Variants in PDZRN4 observed in about 807,000 individuals in gnomAD.
The protein encoded by PDZRN4 is PDZ domain-containing RING finger protein 4.
PDZRN4 carries 70 observed loss-of-function variants against 99.0 expected under a neutral mutation model. That is an observed-to-expected ratio of 0.71 (90% CI 0.58 to 0.86). The LOEUF is 0.86. Among genes scored for constraint, PDZRN4 ranks in the 40% least tolerant of loss-of-function variants. PDZRN4 has a pLI of 0.00. For synonymous variants in PDZRN4, 551 were observed against 501.6 expected, an observed-to-expected ratio of 1.10 and a Z score of -1.32; for missense variants, 1,474 against 1,331.2, an observed-to-expected ratio of 1.11 and a Z score of -1.67.
chr12:41,280,954 T>C (rs964435535), intron 3 of PDZRN4, among the ~76,000 whole-genome samples: 2 of 152,092 alleles, frequency 1.3e-5, no homozygotes, highest in African/African-American at 4.8e-5. Flanking sequence ...AGACACCTCA[T>C]ACAGGAGAGC....
intron 3 of PDZRN4, among the ~76,000 whole-genome samples, chr12:41,298,827 G>T (rs1234675109): frequency 6.6e-6 from 1 of 151,844 alleles, no homozygotes; most frequent in East Asian, 1.9e-4. Flanking sequence ...ATAAGATTTG[G>T]GGAGAATATT....
intron 5 of PDZRN4, among the ~76,000 whole-genome samples, chr12:41,544,282 T>C (rs775105078): frequency 2.6e-5 from 4 of 152,260 alleles, no homozygotes; most frequent in Non-Finnish European, 4.4e-5. Context: ...ATTACTTTTC[T>C]TGTTGGCAGA....
chr12:41,393,235 T>C (rs901458064), intron 3 of PDZRN4, among the ~76,000 whole-genome samples: 18 of 152,216 alleles, frequency 1.2e-4, no homozygotes, highest in Non-Finnish European at 2.2e-4. Flanking sequence ...CAAGCATTTG[T>C]TATATAACAA....
chr12:41,301,460 A>G (rs1419636010), intron 3 of PDZRN4, among the ~76,000 whole-genome samples: 2 of 152,078 alleles, frequency 1.3e-5, no homozygotes, highest in African/African-American at 4.8e-5. Context: ...TGATCTTTAC[A>G]TAAGATATAA....
At chr12:41,531,712 C>A (rs1938665105) in intron 5 of PDZRN4, among the ~76,000 whole-genome samples, 1 of 152,210 alleles carries the variant, frequency 6.6e-6, no homozygotes, top group Non-Finnish European at 1.5e-5. Flanking sequence ...TTCTACACAG[C>A]ACTTCCGCAT....
chr12:41,494,388 G>A (rs1315132796), intron 3 of PDZRN4, among the ~76,000 whole-genome samples: 2 of 152,034 alleles, frequency 1.3e-5, no homozygotes, highest in African/African-American at 2.4e-5. Context: ...AATAATTTCT[G>A]CACCTCTAGG....
At chr12:41,312,919 C>T (rs1229602463) in intron 3 of PDZRN4, among the ~76,000 whole-genome samples, 2 of 152,154 alleles carry the variant, frequency 1.3e-5, no homozygotes, top group Non-Finnish European at 2.9e-5. Context: ...TCCGTTATGG[C>T]CAAATCGCAC....
At chr12:41,553,470 C>T (rs546277338) in intron 6 of PDZRN4, among the ~76,000 whole-genome samples, 7 of 151,740 alleles carry the variant, frequency 4.6e-5, no homozygotes, top group African/African-American at 1.7e-4. Context: ...AAACCCTGCA[C>T]TTTGAGAAGC....
chr12:41,289,845 T>C (rs1363695751), intron 3 of PDZRN4, among the ~76,000 whole-genome samples: 2 of 152,170 alleles, frequency 1.3e-5, no homozygotes, highest in Non-Finnish European at 2.9e-5. Flanking sequence ...GTGAAGAAAA[T>C]AGCGGTGCAA....
At chr12:41,379,731 CTTCTTGCAATTA>C (rs1952109349) in intron 3 of PDZRN4, among the ~76,000 whole-genome samples, 2 of 150,376 alleles carry the variant, frequency 1.3e-5, no homozygotes, top group Non-Finnish European at 3.0e-5. Flanking sequence ...TTTTTTTAGT[CTTCTTGCAATTA>C]TTAAGAGATG....
At chr12:41,317,562 G>T (rs148725480) in intron 3 of PDZRN4, among the ~76,000 whole-genome samples, 1 of 152,028 alleles carries the variant, frequency 6.6e-6, no homozygotes, top group Non-Finnish European at 1.5e-5. Flanking sequence ...ATTAACCATC[G>T]TGAGATTGTT....
At chr12:41,551,185 G>GGAACTGT (rs1939047192) in intron 5 of PDZRN4, among the ~76,000 whole-genome samples, 2 of 152,018 alleles carry the variant, frequency 1.3e-5, no homozygotes, top group African/African-American at 4.8e-5. Context: ...TCCTCATAGA[G>GGAACTGT]GTCACCTTCT....
chr12:41,478,326 G>T (rs1384487805), intron 3 of PDZRN4, among the ~76,000 whole-genome samples: 1 of 152,066 alleles, frequency 6.6e-6, no homozygotes, highest in East Asian at 1.9e-4. Context: ...ATGTTGGCCA[G>T]GCTGATCTCC....
At chr12:41,393,709 T>C (rs946669871) in intron 3 of PDZRN4, among the ~76,000 whole-genome samples, 1 of 152,212 alleles carries the variant, frequency 6.6e-6, no homozygotes, top group East Asian at 1.9e-4. Context: ...TTATTTTCTC[T>C]ATGTAGGGCT....
At chr12:41,310,227 C>A (rs151049142) in intron 3 of PDZRN4, among the ~76,000 whole-genome samples, 66 of 151,740 alleles carry the variant, frequency 4.3e-4, no homozygotes, top group Non-Finnish European at 6.0e-4. Flanking sequence ...GCCACCGCAT[C>A]CAGCCTTGTG....
At chr12:41,273,231 G>A (rs1951327269) in intron 3 of PDZRN4, among the ~76,000 whole-genome samples, 1 of 152,026 alleles carries the variant, frequency 6.6e-6, no homozygotes, top group Admixed American at 6.6e-5. Context: ...TTCTTCCAAA[G>A]TGTTCCTAAA....
chr12:41,198,210 GC>G (rs1377564360), intron 3 of PDZRN4, among the ~76,000 whole-genome samples: 2 of 152,054 alleles, frequency 1.3e-5, no homozygotes, highest in African/African-American at 2.4e-5. Context: ...GAGCCATAGT[GC>G]CCAGTCTCCT....
chr12:41,533,180 CTTTTTTTTT>C (rs56755593), intron 5 of PDZRN4, among the ~76,000 whole-genome samples: 1 of 144,830 alleles, frequency 6.9e-6, no homozygotes, highest in African/African-American at 2.5e-5. Context: ...TTTTTCTTTT[CTTTTTTTTT>C]TTTGAGATGG....
At chr12:41,372,081 A>G (rs1045828407) in intron 3 of PDZRN4, among the ~76,000 whole-genome samples, 1 of 152,088 alleles carries the variant, frequency 6.6e-6, no homozygotes, top group African/African-American at 2.4e-5. Flanking sequence ...CTTTTAAAAA[A>G]TTTTGCATAA....
Sources: allele counts gnomAD v4.1 joint callset (sites outside exome capture counted in the v4.1 genomes callset), GRCh38; gene constraint gnomAD v4.1.1; transcripts MANE v1.5; gene names NCBI Gene and HGNC (gene_info 2026-07-23, HGNC 2026-07-21).